SP140: variants seen among roughly 807,000 people sequenced by gnomAD.
SP140 encodes nuclear body protein SP140.
SP140 carries 81 observed loss-of-function variants against 125.0 expected under a neutral mutation model. The observed-to-expected ratio is 0.65, with a 90% CI of 0.54 to 0.78. The LOEUF (loss-of-function observed/expected upper bound fraction) is 0.78, where lower values mean the gene tolerates loss of function less well. Ranked by LOEUF, SP140 falls within the 30% of genes least tolerant of loss-of-function variation. The probability of loss-of-function intolerance (pLI) is 0.00; values close to 1 mark genes in which losing one functional copy is unlikely to be tolerated. For synonymous variants in SP140, 312 were observed against 354.0 expected, an observed-to-expected ratio of 0.88 and a Z score of 1.33; for missense variants, 858 against 1,037.0, an observed-to-expected ratio of 0.83 and a Z score of 2.37.
chr2:230,199,212 T>TC (rs1431809508), upstream of SP140, among the ~76,000 whole-genome samples: 1 of 139,404 alleles, frequency 7.2e-6, no homozygotes, highest in East Asian at 2.0e-4. Flanking sequence ...CCTCTTTTTT[T>TC]TTTTTTTTTT....
chr2:230,312,500 A>G, intron 26 of SP140, 86 bp from the exon 27 acceptor site: 1 of 852,080 alleles, frequency 1.2e-6, no homozygotes, highest in Non-Finnish European at 1.9e-6. Context: ...TTTTTTAAAG[A>G]CAAGAGTCCT....
chr2:230,245,445 A>C (rs1009888922), intron 6 of SP140, among the ~76,000 whole-genome samples: 1 of 152,226 alleles, frequency 6.6e-6, no homozygotes, highest in African/African-American at 2.4e-5. Context: ...TTTAGGAATA[A>C]TGAAATACTG....
chr2:230,247,880 A>G, intron 7 of SP140, 36 bp from the exon 8 acceptor site: 1 of 1,599,640 alleles, frequency 6.3e-7, no homozygotes, highest in Middle Eastern at 1.7e-4. Flanking sequence ...TATGGAAATT[A>G]CATACACTCT....
In SP140 at chr2:230,259,771, C is replaced by CATATATAT. The variant is rs745848625; in HGVS notation, c.1240+4257_1240+4264dup. ...TTTTTATGGCTGCGTAGTATTCCAT[C>CATATATAT]ATATATATATATATATATATATATA... On this transcript the variant is annotated intron_variant, in intron 12 of 26. Transcript: ENST00000392045. Among the ~76,000 whole-genome samples, 573 of 85,876 alleles carry CATATATAT rather than the reference C, an allele frequency of 6.7e-3. 25 individuals carry two copies. The highest frequency in any genetic ancestry group is 0.019 in the African/African-American group (461 of 23,910). The allele number at this position is 85,876 out of a possible 152,430, so 56.3% of individuals were successfully genotyped here. A position where few individuals can be genotyped will look rare whatever the true frequency, so the allele number is the denominator to read the frequency against.
rs762996439 is a variant in SP140, at chr2:230,248,968, G to T, written c.976G>T (p.Glu326Ter). The T allele has an allele frequency of 2.5e-6, 4 of 1,605,322 alleles. No homozygotes were observed. Among genetic ancestry groups the T allele is most frequent in the Non-Finnish European group, 3.4e-6 (4 of 1,172,874 alleles). Residue 326 changes from glutamate (E) to a stop codon, truncating the protein, a stop_gained and splice_region_variant, in exon 9 of 27, where the codon GAG becomes TAG. Transcript: ENST00000392045. LOFTEE classifies it high-confidence loss of function. ...GLCLLPGEGEEGSDDCSEMCD... is the reference protein window; with the variant it reads ...GLCLLPGEGE The stretch of plus-strand genomic sequence containing the variant: ...CTGTCTACTACCAGGTGAAGGAGAA[G>T]GTAATTATGATTTAAGTTTTTAAAT...
chr2:230,225,706 C>A, upstream of SP140: 1 of 732,198 alleles, frequency 1.4e-6, no homozygotes, highest in Non-Finnish European at 2.5e-6. Context: ...TTGGTGCACC[C>A]ACGTCAGCTA....
Position 230,269,955 on chromosome 2 carries a change from T to C in SP140, c.1444+2T>C, listed in dbSNP as rs760954393. The C allele has an allele frequency of 6.2e-7, 1 of 1,607,222 alleles. No homozygotes were observed. Among genetic ancestry groups the C allele is most frequent in the Non-Finnish European group, 8.5e-7 (1 of 1,173,874 alleles). ...GTGATCAAGCGTGTGGCACAATGGG[T>C]AAGGCTGTCTGAGGGCCGTGGGATG... On this transcript the variant is annotated splice_donor_variant, in intron 14 of 26. Transcript: ENST00000392045. LOFTEE classifies it high-confidence loss of function.
At chr2:230,269,746 G>GA (rs2053640446) in intron 13 of SP140, 91 bp from the exon 14 acceptor site, 1 of 1,166,654 alleles carries the variant, frequency 8.6e-7, no homozygotes, top group African/African-American at 1.5e-5. Flanking sequence ...GATTTCAGAG[G>GA]AAAAAGTAAA....
At chr2:230,242,867 T>C (rs1463018851) in intron 4 of SP140, among the ~76,000 whole-genome samples, 1 of 152,152 alleles carries the variant, frequency 6.6e-6, no homozygotes, top group African/African-American at 2.4e-5. Flanking sequence ...ACCCTCATGA[T>C]TCTCAGGGCA....
chr2:230,241,439 G>A lies in SP140; in HGVS notation c.442G>A (p.Val148Ile). ...YEHSPLQMNN[V>I]NDLEDRPRLL... is the part of the protein sequence containing the mutation. Reference sequence around the variant, plus strand: ...ACACTCACCTCTCCAAATGAATAATGTAAACGATTTAGAAGATAGACCCAG... The same window carrying A: ...ACACTCACCTCTCCAAATGAATAATATAAACGATTTAGAAGATAGACCCAG... The change falls in exon 4 of 27, where the codon GTA (valine) becomes ATA (isoleucine). Residue 148 changes from valine (V) to isoleucine (I), a missense_variant. Val to Ile is a conservative substitution (Grantham distance 29). Transcript: ENST00000392045. The A allele has an allele frequency of 2.5e-6, 4 of 1,599,592 alleles. No homozygotes were observed. In the African/African-American group the frequency reaches 4.0e-5, roughly 16 times the overall value.
chr2:230,305,576 G>A (rs774102336), intron 22 of SP140, among the ~76,000 whole-genome samples: 23 of 152,248 alleles, frequency 1.5e-4, no homozygotes, highest in East Asian at 3.8e-4. Flanking sequence ...CCAGCTGCCC[G>A]TAGGGCGTGG....
At chr2:230,298,046 G>A (rs2057925392) in intron 22 of SP140, among the ~76,000 whole-genome samples, 1 of 152,146 alleles carries the variant, frequency 6.6e-6, no homozygotes, top group Admixed American at 6.5e-5. Context: ...AGCCATTAGG[G>A]TGCTGAGCTG....
intron 12 of SP140, among the ~76,000 whole-genome samples, chr2:230,257,697 G>A (rs2051466638): frequency 6.6e-6 from 1 of 152,216 alleles, no homozygotes; most frequent in Admixed American, 6.5e-5. Context: ...AACCCGGGAT[G>A]TGGAGGTTGC....
At chr2:230,243,223 T>C (rs1018406837) in intron 4 of SP140, among the ~76,000 whole-genome samples, 3 of 152,234 alleles carry the variant, frequency 2.0e-5, no homozygotes, top group African/African-American at 7.2e-5. Flanking sequence ...CCTGTCCCAC[T>C]ATCCTCCATT....
rs1180062009 is a variant in SP140 at position 230,248,949 on chromosome 2, A to G, written c.957A>G (p.Leu319=). Residue 319 remains leucine (L), a synonymous_variant, in exon 9 of 27, where the codon CTA becomes CTG. Coordinates refer to ENST00000392045, the MANE Select transcript of SP140 (RefSeq NM_007237.5). ...GAGAACCAGAGAAGGGGCTCTGTCT[A>G]CTACCAGGTGAAGGAGAAGGTAATT... ...NEGEPEKGLC[L]LPGEGEEGSD... is the part of the protein sequence containing the mutation. The G allele has an allele frequency of 6.2e-7, 1 of 1,611,124 alleles. No individual in the cohort carries two copies.
intron 4 of SP140, among the ~76,000 whole-genome samples, chr2:230,243,241 C>T (rs998416389): frequency 2.6e-5 from 4 of 152,198 alleles, no homozygotes; most frequent in African/African-American, 9.6e-5. Context: ...ATTTACCCTT[C>T]TCCAATCCAG....
intron 22 of SP140, among the ~76,000 whole-genome samples, chr2:230,301,927 G>A (rs2058314448): frequency 6.6e-6 from 1 of 152,098 alleles, no homozygotes; most frequent in South Asian, 2.1e-4. Flanking sequence ...TAAGGTAAAG[G>A]GGTAGAAAAA....
chr2:230,214,441 AG>A (rs1210156182), intron 3 of SP140, among the ~76,000 whole-genome samples: 1 of 152,234 alleles, frequency 6.6e-6, no homozygotes, highest in Admixed American at 6.5e-5. Flanking sequence ...AATTTTGGGA[AG>A]ATTACCTCTG....
intron 3 of SP140, among the ~76,000 whole-genome samples, chr2:230,217,885 G>A (rs13392074): frequency 0.013 from 2,000 of 152,262 alleles, 42 homozygotes; most frequent in African/African-American, 0.045. Context: ...AAACTTTAAC[G>A]AACCACTCCC....
Sources: gnomAD v4.1 joint callset for allele counts (sites outside exome capture counted in the v4.1 genomes callset) on GRCh38, gnomAD v4.1.1 for gene constraint, MANE v1.5 for transcripts, NCBI Gene and HGNC (gene_info 2026-07-23, HGNC 2026-07-21) for gene names.